Variants in ATP6V0A2 observed in about 807,000 individuals in gnomAD.
ATP6V0A2 encodes the protein ATPase H+ transporting V0 subunit a2, also known as V-type proton ATPase 116 kDa subunit a 2.
Under a neutral mutation model 104.4 loss-of-function variants are expected in ATP6V0A2, and 58 were observed. That is an observed-to-expected ratio of 0.56 (90% CI 0.45 to 0.69). The LOEUF (loss-of-function observed/expected upper bound fraction) is 0.69. ATP6V0A2 is among the 30% of genes least tolerant of loss of function. The pLI, the probability that ATP6V0A2 is intolerant of heterozygous loss-of-function variation, is 0.00. For synonymous variants in ATP6V0A2, 376 were observed against 397.9 expected (o/e 0.95, Z 0.65); for missense variants, 938 against 1,062.9 (o/e 0.88, Z 1.63).
chr12:123,745,906 G>A (rs1956657700), intron 13 of ATP6V0A2, among the ~76,000 whole-genome samples: 1 of 152,100 alleles, frequency 6.6e-6, no homozygotes, highest in African/African-American at 2.4e-5. Flanking sequence ...ATGTAATTGT[G>A]TACAGTCGTT....
Position 123,712,652 on chromosome 12 carries a change from G to A in ATP6V0A2, c.87G>A (p.Leu29=), listed in dbSNP as rs765939646. ...SGTAYECLSA[L]GEKGLVQFRD... Reference sequence around the variant, plus strand: ...CGGCCTACGAGTGCCTCAGCGCCCTGGGCGAGAAAGGCCTGGTCCAGTTCC... The same window carrying A: ...CGGCCTACGAGTGCCTCAGCGCCCTAGGCGAGAAAGGCCTGGTCCAGTTCC... The change falls in exon 1 of 20, where the codon CTG becomes CTA. Residue 29 remains leucine, a synonymous_variant. Coordinates refer to ENST00000330342, the MANE Select transcript of ATP6V0A2 (RefSeq NM_012463.4). 3.1e-6 allele frequency: 5 copies of A among 1,609,844 alleles called. No individual in the cohort carries two copies. In the African/African-American group the frequency reaches 6.7e-5, roughly 22 times the overall value.
At chr12:123,726,046 T>C (rs1220589351) in intron 4 of ATP6V0A2, 151 bp from the exon 5 acceptor site, 3 of 649,922 alleles carry the variant, frequency 4.6e-6, no homozygotes, top group Non-Finnish European at 5.5e-6. Context: ...TTTATGAGGA[T>C]TGAGTTATAA....
chr12:123,718,883 A>G (rs1956369863), intron 2 of ATP6V0A2, among the ~76,000 whole-genome samples, 182 bp downstream of exon 2: 1 of 152,210 alleles, frequency 6.6e-6, no homozygotes. Flanking sequence ...TTATTCATCT[A>G]TAAAAGTAAA....
intron 9 of ATP6V0A2, among the ~76,000 whole-genome samples, chr12:123,742,053 C>A (rs1356374766): frequency 4.6e-5 from 7 of 152,246 alleles, no homozygotes; most frequent in African/African-American, 1.7e-4. Flanking sequence ...CCAGCAGTTT[C>A]TCCTCAGCGT....
At position 123,748,655 on chromosome 12, in the gene ATP6V0A2, T is replaced by C. The variant is rs774174015; in HGVS notation, c.1805T>C (p.Ile602Thr). Residue 602 changes from isoleucine to threonine, a missense_variant, in exon 15 of 20, where the codon ATA (isoleucine) becomes ACA (threonine). By Grantham distance (89) the Ile-to-Thr change is moderately conservative (BLOSUM62 -1). Coordinates refer to ENST00000330342, the MANE Select transcript of ATP6V0A2 (RefSeq NM_012463.4). Reference protein sequence around the residue: ...LFMLCIFGYLIFMIFYKWLVF... With the variant: ...LFMLCIFGYLTFMIFYKWLVF... ...ATGCTCTGTATCTTTGGATACCTTA[T>C]ATTTATGATTTTCTACAAGTGGCTG... 6 of 1,614,020 alleles carry C rather than the reference T, an allele frequency of 3.7e-6. No homozygotes were observed. Among genetic ancestry groups the C allele is most frequent in the Middle Eastern group, 1.6e-4 (1 of 6,084 alleles).
Position 123,718,618 on chromosome 12 carries a change from C to T in ATP6V0A2, c.118-5C>T, listed in dbSNP as rs750496638. The T allele has an allele frequency of 5.0e-6, 8 of 1,606,886 alleles. No individual in the cohort carries two copies. In the African/African-American group the frequency reaches 1.1e-4, roughly 21 times the overall value. On this transcript the variant is annotated splice_polypyrimidine_tract_variant and splice_region_variant and intron_variant, in intron 1 of 19. Coordinates refer to ENST00000330342, the MANE Select transcript of ATP6V0A2 (RefSeq NM_012463.4). ...TTTAAACCATATTTTTCATCCTTTT[C>T]TCAGCTCAACCAGAACGTAAGTTCT... is the stretch of plus-strand genomic sequence containing the variant.
intron 9 of ATP6V0A2, 107 bp from the exon 10 acceptor site, chr12:123,743,678 C>T: frequency 7.7e-7 from 1 of 1,304,496 alleles, no homozygotes; most frequent in Non-Finnish European, 1.1e-6. Flanking sequence ...CAAAACAACA[C>T]CACCAAAAAA....
intron 1 of ATP6V0A2, among the ~76,000 whole-genome samples, chr12:123,713,026 A>G (rs1467084419): frequency 6.6e-6 from 1 of 152,172 alleles, no homozygotes; most frequent in Non-Finnish European, 1.5e-5. Flanking sequence ...AGGGGGGCGC[A>G]TTAACCAAAT....
At chr12:123,739,455 C>T (rs1325201876) in intron 9 of ATP6V0A2, among the ~76,000 whole-genome samples, 1 of 152,192 alleles carries the variant, frequency 6.6e-6, no homozygotes, top group Non-Finnish European at 1.5e-5. Flanking sequence ...CCTTGGTAGT[C>T]AGCTTGTGTC....
At position 123,760,991 on chromosome 12, in the gene ATP6V0A2, C is replaced by T. The variant is rs1421425893; in HGVS notation, c.*2959C>T. The stretch of plus-strand genomic sequence containing the variant: ...GTGCAGTCTCGGCTCACTGCAACCT[C>T]TGCCTCCTGGGTTTAAGCAATTCTC... On this transcript the variant is annotated 3_prime_UTR_variant, in exon 20 of 20. Coordinates refer to ENST00000330342, the MANE Select transcript of ATP6V0A2 (RefSeq NM_012463.4). 6.6e-6 allele frequency: 1 copy of T among 152,366 alleles called. No individual in the cohort carries two copies. The highest frequency in any genetic ancestry group is 6.5e-5 in the Admixed American group (1 of 15,308). The allele number at this position is 152,366 out of a possible 1,614,324, so 9.4% of individuals were successfully genotyped here.
chr12:123,717,900 T>TC lies in ATP6V0A2; in HGVS notation c.118-723_118-722insC, dbSNP rs1956359998. 3.3e-5 allele frequency among the ~76,000 whole-genome samples: 5 copies of TC among 152,074 alleles called. No homozygotes were observed. In the South Asian group the frequency reaches 6.2e-4, roughly 19 times the overall value. ...CTTAGGTTAAATTTTCTTCATGGGG[T>TC]ATTGCTGGGCAAATAATCATTTTCA... On this transcript the variant is annotated intron_variant, in intron 1 of 19. Coordinates refer to ENST00000330342, the MANE Select transcript of ATP6V0A2 (RefSeq NM_012463.4).
rs750546795 is a variant in ATP6V0A2 at position 123,747,614 on chromosome 12, A to C, written c.1613A>C (p.Asn538Thr). 7.5e-6 allele frequency: 12 copies of C among 1,608,562 alleles called. No individual in the cohort carries two copies. The Admixed American group carries it at 2.0e-4, about 27-fold the overall frequency. ...PYPLGIDPIW[N>T]LATNRLTFLN... The stretch of plus-strand genomic sequence containing the variant: ...TGTTTGGTTTGGTTTTAGATTTGGA[A>C]CTTGGCCACAAATCGCCTCACTTTT... The change falls in exon 14 of 20, where the codon AAC becomes ACC. Residue 538 changes from asparagine (N) to threonine (T), a missense_variant. Transcript: ENST00000330342.
chr12:123,752,853 G>A (rs1956728379), intron 17 of ATP6V0A2, among the ~76,000 whole-genome samples: 1 of 152,154 alleles, frequency 6.6e-6, no homozygotes, highest in African/African-American at 2.4e-5. Flanking sequence ...GGCCTTGGTT[G>A]GCTTTTTTTC....
At chr12:123,737,345 G>T in intron 9 of ATP6V0A2, 74 bp downstream of exon 9, 1 of 1,446,658 alleles carries the variant, frequency 6.9e-7, no homozygotes. Flanking sequence ...GAGAAAAAAA[G>T]GAAGTGAGAA....
chr12:123,721,225 G>A lies in ATP6V0A2; in HGVS notation c.197-1126G>A, dbSNP rs567043801. ...TTGTTTTGTTTTGTTTTGTTTTAAT[G>A]ACTGAAACAAAAAACATCTAAAACC... On this transcript the variant is annotated intron_variant, in intron 2 of 19. Coordinates refer to ENST00000330342, the MANE Select transcript of ATP6V0A2 (RefSeq NM_012463.4). The A allele has an allele frequency of 2.2e-5, 3 of 137,698 alleles. No homozygotes were observed. The East Asian group carries it at 6.3e-4, about 29-fold the overall frequency. The allele number at this position is 137,698 out of a possible 1,614,324, so 8.5% of individuals were successfully genotyped here.
At chr12:123,737,374 A>C in intron 9 of ATP6V0A2, 103 bp downstream of exon 9, 1 of 1,090,742 alleles carries the variant, frequency 9.2e-7, no homozygotes, top group Non-Finnish European at 1.4e-6. Context: ...AGTAATGAGA[A>C]TGCAGTGTGT....
rs776509864 is a variant in ATP6V0A2 at position 123,751,118 on chromosome 12, CCA to C, written c.1945_1946del (p.Gln649GlufsTer30). 11 of 1,614,176 alleles carry C rather than the reference CCA, an allele frequency of 6.8e-6. No homozygotes were observed. Among genetic ancestry groups the C allele is most frequent in the Non-Finnish European group, 6.8e-6 (8 of 1,180,034 alleles). Reference sequence around the variant, plus strand: ...ACCTTCTGCACTAACAGGAGTATGTCCAGAGAGTGCTGCTGGTTGTCACAGCA... The same window carrying C: ...ACCTTCTGCACTAACAGGAGTATGTCGAGAGTGCTGCTGGTTGTCACAGCA... Reference protein sequence around the residue: ...SGLYTGQEYVQRVLLVVTALS... With the variant: ...SGLYTGQEYVXRVLLVVTALS... On this transcript the variant is annotated frameshift_variant, in exon 16 of 20. Coordinates refer to ENST00000330342, the MANE Select transcript of ATP6V0A2 (RefSeq NM_012463.4). LOFTEE classifies it high-confidence loss of function.
chr12:123,724,455 G>T, intron 3 of ATP6V0A2, 199 bp from the exon 4 acceptor site: 1 of 484,286 alleles, frequency 2.1e-6, no homozygotes, highest in Non-Finnish European at 3.8e-6. Flanking sequence ...CTTGAACCCA[G>T]GAGGTGGAGG....
chr12:123,758,030 T>C lies in ATP6V0A2; in HGVS notation c.2569T>C (p.Ter857ArgextTer38). Residue 857 changes from the stop codon to arginine, a stop_lost, in exon 20 of 20, where the codon TGA (stop) becomes CGA (arginine). Coordinates refer to ENST00000330342, the MANE Select transcript of ATP6V0A2 (RefSeq NM_012463.4). Reference sequence around the variant, plus strand: ...GTTCAATAACGACGACAGTGTGGCATGATCATATTGCTGTAACCAACAAGC... The same window carrying C: ...GTTCAATAACGACGACAGTGTGGCACGATCATATTGCTGTAACCAACAAGC... ...SKFNNDDSVA[*>R] 1 of 1,594,316 alleles carries C rather than the reference T, an allele frequency of 6.3e-7. No individual in the cohort carries two copies. Among genetic ancestry groups the C allele is most frequent in the African/African-American group, 1.3e-5 (1 of 74,664 alleles).
Sources: gnomAD v4.1 joint callset for allele counts (sites outside exome capture counted in the v4.1 genomes callset) on GRCh38, gnomAD v4.1.1 for gene constraint, MANE v1.5 for transcripts, NCBI Gene and HGNC (gene_info 2026-07-23, HGNC 2026-07-21) for gene names.